HUWE1: variants seen among roughly 807,000 people sequenced by gnomAD.
HUWE1 encodes the protein E3 ubiquitin-protein ligase HUWE1.
A neutral mutation model predicts 299.4 loss-of-function variants in HUWE1; 18 were observed. The ratio of observed to expected loss-of-function variants is 0.06; its 90% CI spans 0.04 to 0.09. The LOEUF (loss-of-function observed/expected upper bound fraction) is 0.09. Among genes scored for constraint, HUWE1 ranks in the 10% least tolerant of loss-of-function variants. The pLI is 1.00. For synonymous variants in HUWE1, 1,317 were observed against 1,286.1 expected (o/e 1.02, Z -0.51); for missense variants, 1,832 against 3,462.3 (o/e 0.53, Z 11.82).
chrX:53,575,554 G>A, intron 45 of HUWE1, 89 bp downstream of exon 45: 1 of 979,270 alleles, frequency 1.0e-6, no homozygotes, highest in Non-Finnish European at 1.4e-6. Flanking sequence ...TAATATCTTT[G>A]AAATTCCCCG....
chrX:53,686,454 A>C (rs1053542301), intron 1 of HUWE1, 86 bp from the exon 2 acceptor site: 1 of 112,318 alleles, frequency 8.9e-6, no homozygotes, highest in Non-Finnish European at 1.9e-5. Flanking sequence ...CAGGCTCCCC[A>C]AGGCCGCCAC....
At position 53,588,477 on chromosome X, in the gene HUWE1, T is replaced by C. The variant is rs2063974013; in HGVS notation, c.4519A>G (p.Thr1507Ala). 8.3e-7 allele frequency: 1 copy of C among 1,206,228 alleles called. No homozygotes were observed. Among genetic ancestry groups the C allele is most frequent in the Admixed American group, 2.2e-5 (1 of 45,619 alleles). The change falls in exon 37 of 84, where the codon ACA becomes GCA. Residue 1507 changes from threonine to alanine, a missense_variant. Thr to Ala is a moderately conservative substitution (Grantham distance 58). Transcript: ENST00000262854. ...CTTATCCACTCTGACACGGTTTTTG[T>C]GTCACTTGTTGTCAGGGGAAGAGCA... ...KAALPLTTSDTKTVSEWISQM... is the reference protein window; with the variant it reads ...KAALPLTTSDAKTVSEWISQM...
intron 19 of HUWE1, among the ~76,000 whole-genome samples, chrX:53,620,458 C>T (rs1489333339): frequency 1.8e-5 from 2 of 110,716 alleles, no homozygotes; most frequent in Non-Finnish European, 3.8e-5. Flanking sequence ...CCAGGCTGGT[C>T]TCAAACTCCT....
intron 25 of HUWE1, among the ~76,000 whole-genome samples, chrX:53,607,296 G>GTAGAA (rs1982863897): frequency 8.9e-6 from 1 of 111,888 alleles, no homozygotes; most frequent in South Asian, 3.7e-4. Flanking sequence ...CTCTAATGAT[G>GTAGAA]TAGAACTACA....
intron 17 of HUWE1, chrX:53,625,595 T>C (rs930170376): frequency 2.0e-5 from 4 of 200,758 alleles, no homozygotes; most frequent in South Asian, 9.1e-5. Context: ...TGCAAATTGT[T>C]GGAAAAGTAT....
intron 3 of HUWE1, among the ~76,000 whole-genome samples, chrX:53,670,831 C>A (rs973790343): frequency 2.7e-5 from 3 of 111,408 alleles, no homozygotes; most frequent in Middle Eastern, 4.2e-3. Context: ...TATGTATATA[C>A]GTGTACGTAC....
At chrX:53,566,239 G>A (rs1258748003) in intron 49 of HUWE1, among the ~76,000 whole-genome samples, 1 of 102,751 alleles carries the variant, frequency 9.7e-6, no homozygotes, top group Non-Finnish European at 2.0e-5. Context: ...GTCAGAACAA[G>A]TGATCCCAGG....
intron 19 of HUWE1, among the ~76,000 whole-genome samples, chrX:53,619,913 A>G (rs1298594982): frequency 2.7e-5 from 3 of 111,989 alleles, no homozygotes; most frequent in Non-Finnish European, 5.6e-5. Flanking sequence ...TAGCCTCCCA[A>G]TATGTTCTTT....
At chrX:53,557,145 C>A in intron 60 of HUWE1, 1 of 508,199 alleles carries the variant, frequency 2.0e-6, no homozygotes, top group Non-Finnish European at 3.6e-6. Flanking sequence ...TAGATAATAA[C>A]CAGAACAAGA....
At position 53,628,624 on chromosome X, in the gene HUWE1, C is replaced by T. The variant is rs1557020073; in HGVS notation, c.1115-4G>A. On this transcript the variant is annotated splice_polypyrimidine_tract_variant and splice_region_variant and intron_variant, in intron 14 of 83. Transcript: ENST00000262854. ...GGGTATGGATCCATGGAAGGATCTA[C>T]AAGGGAGGTGGGGAGAGGGAGAACA... The T allele has an allele frequency of 8.5e-7, 1 of 1,179,750 alleles. No homozygotes were observed.
chrX:53,617,759 T>C (rs1373839077), intron 19 of HUWE1, among the ~76,000 whole-genome samples: 2 of 111,943 alleles, frequency 1.8e-5, no homozygotes, highest in Non-Finnish European at 3.8e-5. Flanking sequence ...CCCATTCATT[T>C]TGAATGGCTG....
intron 3 of HUWE1, among the ~76,000 whole-genome samples, chrX:53,657,452 G>A (rs960188156): frequency 9.0e-6 from 1 of 111,695 alleles, no homozygotes; most frequent in African/African-American, 3.3e-5. Context: ...CTTGAATCCA[G>A]GAGGCAGAGA....
intron 19 of HUWE1, among the ~76,000 whole-genome samples, chrX:53,618,843 G>A (rs1432634591): frequency 9.2e-6 from 1 of 108,684 alleles, no homozygotes; most frequent in Non-Finnish European, 1.9e-5. Flanking sequence ...GATTATAGGC[G>A]TGAGCCACCG....
chrX:53,591,002 G>T lies in HUWE1; in HGVS notation c.4093C>A (p.Arg1365=). ...TCACTGCTTCTGAGCCAACTTACCC[G>T]AACAACTCCTCCCATGATTGGAGGA... The part of the protein sequence containing the change: ...HPPPIMGGVV[R]DLSMSEEDQM... Residue 1365 remains arginine (R), a splice_region_variant and synonymous_variant, in exon 34 of 84, where the codon CGG becomes AGG. Transcript: ENST00000262854. 8.3e-7 allele frequency: 1 copy of T among 1,210,956 alleles called. No individual in the cohort carries two copies. Among genetic ancestry groups the T allele is most frequent in the Non-Finnish European group, 1.1e-6 (1 of 895,165 alleles).
At position 53,548,048 on chromosome X, in the gene HUWE1, T is replaced by G; in HGVS notation, c.10261A>C (p.Thr3421Pro). The change falls in exon 68 of 84, where the codon ACC (threonine) becomes CCC (proline). Residue 3421 changes from threonine (T) to proline (P), a missense_variant. Thr to Pro is a conservative substitution (Grantham distance 38, BLOSUM62 -1). Coordinates refer to ENST00000262854, the MANE Select transcript of HUWE1 (RefSeq NM_031407.7). ...VPVSAGGEGETSPYSLEASPL... is the reference protein window; with the variant it reads ...VPVSAGGEGEPSPYSLEASPL... ...GAGGCCTCGAGGCTGTATGGAGAGG[T>G]TTCCCCCTCACCGCCAGCGCTCACT... is the stretch of plus-strand genomic sequence containing the variant. 2 of 1,209,582 alleles carry G rather than the reference T, an allele frequency of 1.7e-6. No individual in the cohort carries two copies. The highest frequency in any genetic ancestry group is 2.2e-6 in the Non-Finnish European group (2 of 894,578).
At chrX:53,568,997 A>C (rs2062696759) in intron 48 of HUWE1, 123 bp from the exon 49 acceptor site, 1 of 569,455 alleles carries the variant, frequency 1.8e-6, no homozygotes, top group Non-Finnish European at 2.9e-6. Flanking sequence ...AATAACATCT[A>C]AACAAACAGG....
intron 61 of HUWE1, among the ~76,000 whole-genome samples, chrX:53,554,009 G>A (rs1353932901): frequency 9.1e-6 from 1 of 110,353 alleles, no homozygotes; most frequent in African/African-American, 3.3e-5. Flanking sequence ...GAGAAATAGT[G>A]TCATGAGATA....
At chrX:53,554,266 C>T in intron 61 of HUWE1, among the ~76,000 whole-genome samples, 2 of 110,206 alleles carry the variant, frequency 1.8e-5, no homozygotes, top group Middle Eastern at 4.7e-3. Context: ...TCTATGTTGC[C>T]CAGGCTGGTC....
At chrX:53,616,909 G>T in intron 21 of HUWE1, 61 bp downstream of exon 21, 4 of 999,941 alleles carry the variant, frequency 4.0e-6, no homozygotes, top group East Asian at 3.2e-5. Flanking sequence ...AGATGATCAA[G>T]GAAGAGTTTC....
Sources: allele counts gnomAD v4.1 joint callset (sites outside exome capture counted in the v4.1 genomes callset), GRCh38; gene constraint gnomAD v4.1.1; transcripts MANE v1.5; gene names NCBI Gene and HGNC (gene_info 2026-07-23, HGNC 2026-07-21).